GPATCH2L: variants seen among roughly 807,000 people sequenced by gnomAD.
GPATCH2L encodes the protein G-patch domain containing 2 like.
Under a neutral mutation model 57.4 loss-of-function variants are expected in GPATCH2L, and 31 were observed. The ratio of observed to expected loss-of-function variants is 0.54; its 90% CI spans 0.41 to 0.73. The LOEUF is 0.73. Ranked by LOEUF, GPATCH2L falls within the 30% of genes least tolerant of loss-of-function variation. The pLI, the probability that GPATCH2L is intolerant of heterozygous loss-of-function variation, is 0.00. For missense variants in GPATCH2L, 481 were observed against 599.9 expected (o/e 0.80, Z 2.07); for synonymous variants, 199 against 210.7 (o/e 0.94, Z 0.48).
chr14:76,196,050 A>G (rs773037185), intron 9 of GPATCH2L, 78 bp downstream of exon 9: 1 of 1,049,170 alleles, frequency 9.5e-7, no homozygotes, highest in South Asian at 1.3e-5. Flanking sequence ...ATACCTTTTC[A>G]TGTAATGTTT....
chr14:76,152,791 T>C (rs1340339918), intron 1 of GPATCH2L: 1 of 454,396 alleles, frequency 2.2e-6, no homozygotes, highest in Middle Eastern at 3.3e-4. Flanking sequence ...TTCTTTTGTT[T>C]TTGTTTTTTG....
At chr14:76,201,648 T>G in intron 9 of GPATCH2L, 43 bp from the exon 10 acceptor site, 1 of 1,450,072 alleles carries the variant, frequency 6.9e-7, no homozygotes, top group Non-Finnish European at 9.3e-7. Flanking sequence ...TTCTAATTTA[T>G]CTCCCCTTGA....
chr14:76,153,283 C>T (rs2038140543), intron 1 of GPATCH2L, among the ~76,000 whole-genome samples: 1 of 152,152 alleles, frequency 6.6e-6, no homozygotes, highest in Non-Finnish European at 1.5e-5. Flanking sequence ...GGCATAGAGG[C>T]AAGAGAAAAG....
chr14:76,230,862 C>T (rs371571976), intron 2 of GPATCH2L, among the ~76,000 whole-genome samples: 4 of 152,194 alleles, frequency 2.6e-5, no homozygotes, highest in Non-Finnish European at 4.4e-5. Context: ...ATTTGTATTA[C>T]CCGTTTCATG....
chr14:76,184,524 A>G (rs969089636), intron 8 of GPATCH2L, among the ~76,000 whole-genome samples: 1 of 152,186 alleles, frequency 6.6e-6, no homozygotes, highest in African/African-American at 2.4e-5. Context: ...AGGATGGTGC[A>G]TGACCTAAAA....
At chr14:76,233,729 T>A (rs918710883) in intron 2 of GPATCH2L, among the ~76,000 whole-genome samples, 1 of 152,246 alleles carries the variant, frequency 6.6e-6, no homozygotes, top group South Asian at 2.1e-4. Context: ...TAACGATAAG[T>A]CCTTAATGTC....
intron 8 of GPATCH2L, among the ~76,000 whole-genome samples, chr14:76,186,481 C>T (rs2039771016): frequency 6.6e-6 from 1 of 152,166 alleles, no homozygotes; most frequent in Non-Finnish European, 1.5e-5. Flanking sequence ...GAGGTTTTAC[C>T]TCAGGGCTTG....
intron 2 of GPATCH2L, among the ~76,000 whole-genome samples, chr14:76,156,752 G>C (rs2038325468): frequency 6.6e-6 from 1 of 152,144 alleles, no homozygotes; most frequent in Non-Finnish European, 1.5e-5. Context: ...TTAATTTCTT[G>C]TTAAACTACG....
intron 9 of GPATCH2L, among the ~76,000 whole-genome samples, chr14:76,197,000 G>T (rs2040173824): frequency 6.6e-6 from 1 of 152,098 alleles, no homozygotes; most frequent in African/African-American, 2.4e-5. Flanking sequence ...GCCAGGCCCT[G>T]AGCTGAACAC....
chr14:76,189,192 C>T (rs2139768506), intron 8 of GPATCH2L, among the ~76,000 whole-genome samples: 1 of 151,746 alleles, frequency 6.6e-6, no homozygotes, highest in Non-Finnish European at 1.5e-5. Flanking sequence ...TTCTGGGTCT[C>T]TTGTGGCTGC....
intron 7 of GPATCH2L, 59 bp downstream of exon 7, chr14:76,178,101 T>A: frequency 7.2e-7 from 1 of 1,386,308 alleles, no homozygotes; most frequent in Non-Finnish European, 1.0e-6. Context: ...TCTAAGAGTA[T>A]CCAACACTTA....
At chr14:76,185,646 T>G (rs2039738060) in intron 8 of GPATCH2L, among the ~76,000 whole-genome samples, 1 of 152,220 alleles carries the variant, frequency 6.6e-6, no homozygotes, top group Admixed American at 6.5e-5. Flanking sequence ...TGGTCAAGCA[T>G]TACCATTTTA....
At chr14:76,177,941 T>C (rs1594949842) in intron 6 of GPATCH2L, 47 bp from the exon 7 acceptor site, 1 of 1,600,262 alleles carries the variant, frequency 6.2e-7, no homozygotes. Flanking sequence ...GGTAAGATCA[T>C]TTTTCTTTGT....
intron 1 of GPATCH2L, among the ~76,000 whole-genome samples, chr14:76,224,485 TAAAATC>T (rs2040528328): frequency 6.6e-6 from 1 of 152,108 alleles, no homozygotes; most frequent in South Asian, 2.1e-4. Flanking sequence ...AAGCATTTGA[TAAAATC>T]AAATACTTAT....
chr14:76,219,559 G>A (rs111789385), intron 1 of GPATCH2L, among the ~76,000 whole-genome samples: 1 of 152,226 alleles, frequency 6.6e-6, no homozygotes, highest in Non-Finnish European at 1.5e-5. Context: ...AGATACAATT[G>A]TATCTATACA....
intron 7 of GPATCH2L, among the ~76,000 whole-genome samples, chr14:76,180,515 T>C (rs1399226206): frequency 6.6e-6 from 1 of 152,222 alleles, no homozygotes; most frequent in African/African-American, 2.4e-5. Context: ...GTGACTATTG[T>C]ATGTCAGAAG....
Position 76,203,586 on chromosome 14 carries a change from T to C in GPATCH2L, c.*1735T>C, listed in dbSNP as rs925798338. 6.6e-6 allele frequency: 1 copy of C among 152,476 alleles called. No individual in the cohort carries two copies. Among genetic ancestry groups the C allele is most frequent in the Admixed American group, 6.5e-5 (1 of 15,276 alleles). 9.4% of individuals were successfully genotyped at this position (152,476 alleles called of 1,614,324 possible). On this transcript the variant is annotated 3_prime_UTR_variant, in exon 10 of 10. Coordinates refer to ENST00000261530, the MANE Select transcript of GPATCH2L (RefSeq NM_017926.4). ...TGGAGATGATGGGATGGGAGAGTGC[T>C]GAAGCTGGCCCAGCATGCCTCTGAG...
At chr14:76,193,085 C>T (rs1354894634) in intron 8 of GPATCH2L, among the ~76,000 whole-genome samples, 3 of 152,034 alleles carry the variant, frequency 2.0e-5, no homozygotes, top group Non-Finnish European at 4.4e-5. Context: ...CAATAGCACC[C>T]TAAGATGTTG....
chr14:76,154,537 C>G lies in GPATCH2L; in HGVS notation c.174C>G (p.Thr58=). The G allele has an allele frequency of 3.7e-6, 6 of 1,614,184 alleles. No homozygotes were observed. The highest frequency in any genetic ancestry group is 5.1e-6 in the Non-Finnish European group (6 of 1,180,028). The change falls in exon 2 of 10, where the codon ACC becomes ACG. Residue 58 remains threonine, a synonymous_variant. Coordinates refer to ENST00000261530, the MANE Select transcript of GPATCH2L (RefSeq NM_017926.4). The surrounding 1 kb of genome is among the most constrained non-coding windows in gnomAD (Gnocchi z 4.4). ...RSDFTHLAEH[T]CCYSEASESS... ...ACTTCACTCACCTGGCAGAGCATAC[C>G]TGCTGCTACAGCGAGGCCTCTGAGT... is the stretch of plus-strand genomic sequence containing the variant.
Sources: gnomAD v4.1 joint callset for allele counts (sites outside exome capture counted in the v4.1 genomes callset) on GRCh38, gnomAD v4.1.1 for gene constraint, Gnocchi (gnomAD v3.1) non-coding constraint, MANE v1.5 for transcripts, NCBI Gene and HGNC (gene_info 2026-07-23, HGNC 2026-07-21) for gene names.